BCAS3: variants seen among roughly 807,000 people sequenced by gnomAD.
BCAS3 encodes the protein BCAS3 microtubule associated cell migration factor.
In BCAS3, 53 loss-of-function variants were observed where a neutral mutation model predicts 116.1. That is an observed-to-expected ratio of 0.46 (90% confidence interval 0.37 to 0.57). BCAS3 has a LOEUF of 0.57. Among genes scored for constraint, BCAS3 ranks in the 20% least tolerant of loss-of-function variants. The probability of loss-of-function intolerance (pLI) is 0.00; values close to 1 mark genes in which losing one functional copy is unlikely to be tolerated. For missense variants in BCAS3, 917 were observed against 1,165.4 expected (o/e 0.79, Z 3.10); for synonymous variants, 391 against 408.2 (o/e 0.96, Z 0.51).
rs2055604847 is a variant in BCAS3 at position 61,324,916 on chromosome 17, C to G, written c.2426-43411C>G. Among the ~76,000 whole-genome samples, 1 of 151,988 alleles carries G rather than the reference C, an allele frequency of 6.6e-6. No homozygotes were observed. On this transcript the variant is annotated intron_variant, in intron 22 of 23. Transcript: ENST00000407086. This position sits in a 1 kb window ranked among gnomAD's most constrained non-coding sequence, Gnocchi z 4.6. ...TCAAAAGTCTAACCTTCGAAGACTTCTAAGAGTTTTAGAAGAAAAGTTTGA... is the reference window on the plus strand; with the variant it reads ...TCAAAAGTCTAACCTTCGAAGACTTGTAAGAGTTTTAGAAGAAAAGTTTGA...
chr17:60,706,334 G>A (rs1598185466), intron 4 of BCAS3, among the ~76,000 whole-genome samples: 1 of 152,194 alleles, frequency 6.6e-6, no homozygotes, highest in East Asian at 1.9e-4. Context: ...AAAGTGCTGG[G>A]ATTACAGGCC....
At chr17:61,086,969 T>C in intron 22 of BCAS3, 1 of 985,410 alleles carries the variant, frequency 1.0e-6, no homozygotes, top group African/African-American at 1.7e-5. Flanking sequence ...ACAGAATTAC[T>C]TTCTACATCT....
rs1027819417 is a variant in BCAS3, at chr17:61,144,654, T to C, written c.2425+60090T>C. Among the ~76,000 whole-genome samples, 7 of 152,244 alleles carry C rather than the reference T, an allele frequency of 4.6e-5. No homozygotes were observed. The highest frequency in any genetic ancestry group is 9.6e-5 in the African/African-American group (4 of 41,466). ...AGTCAAAAAAGTAGTCATTTAACAA[T>C]ACAATATTTCTCTCGTGTTCTTGAG... On this transcript the variant is annotated intron_variant, in intron 22 of 23. Transcript: ENST00000407086. This position sits in a 1 kb window ranked among gnomAD's most constrained non-coding sequence, Gnocchi z 5.0.
intron 22 of BCAS3, among the ~76,000 whole-genome samples, chr17:61,331,165 G>C (rs1181302857): frequency 6.6e-6 from 1 of 152,178 alleles, no homozygotes; most frequent in Non-Finnish European, 1.5e-5. Context: ...AACAGTAGCA[G>C]CCCTAGAAGC....
rs529057977 is a variant in BCAS3 at position 61,243,434 on chromosome 17, G to A, written c.2426-124893G>A. On this transcript the variant is annotated intron_variant, in intron 22 of 23. Transcript: ENST00000407086. The surrounding 1 kb of genome is among the most constrained non-coding windows in gnomAD (Gnocchi z 5.6). ...TATTGTGCATAATGCTACAGTGAAC[G>A]TTCCATACAGTGAAGTGGAGATACC... 3.9e-5 allele frequency among the ~76,000 whole-genome samples: 6 copies of A among 152,068 alleles called. No homozygotes were observed. Among genetic ancestry groups the A allele is most frequent in the African/African-American group, 1.2e-4 (5 of 41,408 alleles).
At chr17:61,230,156 C>G (rs865996567) in intron 22 of BCAS3, among the ~76,000 whole-genome samples, 41 of 151,900 alleles carry the variant, frequency 2.7e-4, no homozygotes, top group South Asian at 6.2e-4. Context: ...CACACACACA[C>G]ACACACACAC....
chr17:60,819,467 T>A (rs1472693802), intron 7 of BCAS3, among the ~76,000 whole-genome samples: 2 of 152,240 alleles, frequency 1.3e-5, no homozygotes, highest in African/African-American at 4.8e-5. Flanking sequence ...GTATATTTTC[T>A]TGTGATATTG....
chr17:60,800,601 C>T (rs2047686520), intron 6 of BCAS3, among the ~76,000 whole-genome samples: 1 of 151,964 alleles, frequency 6.6e-6, no homozygotes, highest in Non-Finnish European at 1.5e-5. Flanking sequence ...TAATTAAATC[C>T]AATTAATTGA....
At chr17:61,296,151 G>A (rs999488168) in intron 22 of BCAS3, among the ~76,000 whole-genome samples, 1 of 152,130 alleles carries the variant, frequency 6.6e-6, no homozygotes, top group African/African-American at 2.4e-5. Context: ...ATGTAAATGT[G>A]TATCATTACC....
intron 8 of BCAS3, among the ~76,000 whole-genome samples, chr17:60,869,158 G>A (rs2054886698): frequency 6.6e-6 from 1 of 152,042 alleles, no homozygotes; most frequent in African/African-American, 2.4e-5. Flanking sequence ...GCTAAAATAG[G>A]GACTAGACTA....
intron 7 of BCAS3, among the ~76,000 whole-genome samples, chr17:60,828,036 G>T (rs561014071): frequency 6.6e-6 from 1 of 151,730 alleles, no homozygotes; most frequent in Admixed American, 6.6e-5. Context: ...TTTTTTTTCA[G>T]CCACCAAGAA....
intron 22 of BCAS3, among the ~76,000 whole-genome samples, chr17:61,319,723 T>G (rs2055036839): frequency 6.6e-6 from 1 of 152,092 alleles, no homozygotes; most frequent in African/African-American, 2.4e-5. Flanking sequence ...AGTGCAGAAC[T>G]GTATCTCTTT....
chr17:60,818,835 C>T (rs1012198588), intron 7 of BCAS3, among the ~76,000 whole-genome samples: 11 of 152,148 alleles, frequency 7.2e-5, no homozygotes, highest in Middle Eastern at 6.8e-3. Context: ...TTAGGTATAC[C>T]GTTTATGCTG....
chr17:60,862,698 C>T (rs936174618), intron 7 of BCAS3, among the ~76,000 whole-genome samples: 1 of 152,200 alleles, frequency 6.6e-6, no homozygotes, highest in African/African-American at 2.4e-5. Context: ...GTTGCCCACA[C>T]TGGAGTGTAG....
chr17:61,138,735 GTT>G (rs2076775884), intron 22 of BCAS3, among the ~76,000 whole-genome samples: 1 of 152,218 alleles, frequency 6.6e-6, no homozygotes, highest in Non-Finnish European at 1.5e-5. Flanking sequence ...TAGAACATTT[GTT>G]TTTTGGCTCT....
chr17:60,900,186 T>TA (rs199821853), intron 10 of BCAS3: 1,224 of 111,624 alleles, frequency 0.011, 12 homozygotes, highest in African/African-American at 0.037. Flanking sequence ...CGCTGTCTCT[T>TA]AAAAAAAAAA....
chr17:61,075,205 A>G (rs1012740101), intron 20 of BCAS3, among the ~76,000 whole-genome samples, 185 bp downstream of exon 20: 3 of 152,182 alleles, frequency 2.0e-5, no homozygotes, highest in Non-Finnish European at 4.4e-5. Flanking sequence ...TACATATTAT[A>G]TATACATTAT....
intron 5 of BCAS3, among the ~76,000 whole-genome samples, chr17:60,710,279 T>C (rs2037695146): frequency 6.6e-6 from 1 of 152,174 alleles, no homozygotes; most frequent in Non-Finnish European, 1.5e-5. Flanking sequence ...TCTTTTTCTT[T>C]TGGGTGATAT....
At chr17:60,774,263 T>C (rs2045054008) in intron 6 of BCAS3, among the ~76,000 whole-genome samples, 1 of 152,196 alleles carries the variant, frequency 6.6e-6, no homozygotes, top group Admixed American at 6.5e-5. Flanking sequence ...TGTATTTTTT[T>C]CTCTCAGACA....
Sources: gnomAD v4.1 joint callset for allele counts (sites outside exome capture counted in the v4.1 genomes callset) on GRCh38, gnomAD v4.1.1 for gene constraint, Gnocchi (gnomAD v3.1) non-coding constraint, MANE v1.5 for transcripts, NCBI Gene and HGNC (gene_info 2026-07-23, HGNC 2026-07-21) for gene names.